Variants in SLC19A2 observed in about 807,000 individuals in gnomAD.
SLC19A2 encodes the protein thiamine transporter 1.
A neutral mutation model predicts 44.7 loss-of-function variants in SLC19A2; 27 were observed. The observed-to-expected ratio is 0.60, with a 90% confidence interval of 0.45 to 0.83. The LOEUF (loss-of-function observed/expected upper bound fraction) is 0.83. Among genes scored for constraint, SLC19A2 ranks in the 40% least tolerant of loss-of-function variants. The pLI is 0.00. For missense variants in SLC19A2, 566 were observed against 613.7 expected (o/e 0.92, Z 0.82); for synonymous variants, 239 against 243.6 (o/e 0.98, Z 0.18).
intron 1 of SLC19A2, among the ~76,000 whole-genome samples, chr1:169,479,759 A>G (rs1658403970): frequency 6.6e-6 from 1 of 152,198 alleles, no homozygotes; most frequent in Non-Finnish European, 1.5e-5. Flanking sequence ...AGTTTTGGTA[A>G]AAGGCTGAAT....
intron 2 of SLC19A2, among the ~76,000 whole-genome samples, chr1:169,476,586 C>T (rs1658319506): frequency 6.6e-6 from 1 of 151,944 alleles, no homozygotes; most frequent in Admixed American, 6.6e-5. Flanking sequence ...GGCGTGGTGG[C>T]GAGCGCCCAT....
At chr1:169,471,463 CCACACACACACACACACACA>C (rs59833853) in intron 2 of SLC19A2, among the ~76,000 whole-genome samples, 22 of 118,070 alleles carry the variant, frequency 1.9e-4, no homozygotes, top group South Asian at 6.1e-4. Context: ...GATCCCGTCT[CCACACACACACACACACACA>C]CACACACACA....
At chr1:169,485,268 A>C (rs942573558) in intron 1 of SLC19A2, among the ~76,000 whole-genome samples, 2 of 152,238 alleles carry the variant, frequency 1.3e-5, no homozygotes, top group Non-Finnish European at 2.9e-5. Flanking sequence ...CTGCTGGACC[A>C]GTCTGGGCAG....
In SLC19A2 at chr1:169,468,140, T is replaced by G; in HGVS notation, c.1336A>C (p.Ser446Arg). 1.2e-6 allele frequency: 2 copies of G among 1,614,056 alleles called. No homozygotes were observed. Among genetic ancestry groups the G allele is most frequent in the Non-Finnish European group, 1.7e-6 (2 of 1,179,914 alleles). ...GTGGTAATTTCTAATCCAAGGCCAC[T>G]GGCATCTACCACAATTAGAGTGAGC... ...TLLTLIVVDA[S>R]GLGLEITTQF... The change falls in exon 5 of 6, where the codon AGT becomes CGT. Residue 446 changes from serine (S) to arginine (R), a missense_variant. By Grantham distance (110) the Ser-to-Arg change is moderately radical (BLOSUM62 -1). Transcript: ENST00000236137.
In SLC19A2 at chr1:169,485,795, C is replaced by G. The variant is rs374694859; in HGVS notation, c.-29G>C. 2 of 1,510,750 alleles carry G rather than the reference C, an allele frequency of 1.3e-6. No individual in the cohort carries two copies. Among genetic ancestry groups the G allele is most frequent in the South Asian group, 2.5e-5 (2 of 80,534 alleles). The allele number at this position is 1,510,750 out of a possible 1,614,324, so 93.6% of individuals were successfully genotyped here. On this transcript the variant is annotated 5_prime_UTR_variant, in exon 1 of 6. Coordinates refer to ENST00000236137, the MANE Select transcript of SLC19A2 (RefSeq NM_006996.3). ...GGGCGCGAGGGGAGGGGACCCGGCC[C>G]GGCCCCTTCCTTCTCCTCCTCCGCC...
At chr1:169,481,696 G>A (rs878911372) in intron 1 of SLC19A2, among the ~76,000 whole-genome samples, 1 of 152,146 alleles carries the variant, frequency 6.6e-6, no homozygotes, top group African/African-American at 2.4e-5. Context: ...TGTGAGCAAC[G>A]GGAATTGATT....
At position 169,468,698 on chromosome 1, in the gene SLC19A2, T is replaced by C; in HGVS notation, c.1169A>G (p.Tyr390Cys). The change falls in exon 4 of 6, where the codon TAT becomes TGT. Residue 390 changes from tyrosine (Y) to cysteine (C), a missense_variant. Tyr to Cys is a radical substitution (Grantham distance 194, BLOSUM62 -2). Transcript: ENST00000236137. The part of the protein sequence containing the change: ...MDTVGNIWVC[Y>C]ASYVVFRIIY... ...GATTCTGAAGACAACATAGGATGCA[T>C]AGCACACCCAAATGTTACCCACAGT... The C allele has an allele frequency of 6.2e-7, 1 of 1,613,858 alleles. No homozygotes were observed.
intron 5 of SLC19A2, among the ~76,000 whole-genome samples, chr1:169,467,718 A>C (rs1658069827): frequency 6.6e-6 from 1 of 152,174 alleles, no homozygotes; most frequent in Non-Finnish European, 1.5e-5. Flanking sequence ...TAAATAAAGA[A>C]GGGAGGAGAC....
In SLC19A2 at chr1:169,485,727, C is replaced by T. The variant is rs1658546427; in HGVS notation, c.40G>A (p.Ala14Thr). The change falls in exon 1 of 6, where the codon GCG (alanine) becomes ACG (threonine). Residue 14 changes from alanine (A) to threonine (T), a missense_variant. Coordinates refer to ENST00000236137, the MANE Select transcript of SLC19A2 (RefSeq NM_006996.3). ...GTCCGCAGGAGCACAGTGGCCGCCG[C>T]CGCCGCCGCCCGCCGAGACACCGGG... ...PGPVSRRAAAAAATVLLRTAR... is the reference protein window; with the variant it reads ...PGPVSRRAAATAATVLLRTAR... The T allele has an allele frequency of 2.0e-6, 3 of 1,530,164 alleles. No individual in the cohort carries two copies. The highest frequency in any genetic ancestry group is 2.6e-6 in the Non-Finnish European group (3 of 1,142,976). 94.8% of individuals were successfully genotyped at this position (1,530,164 alleles called of 1,614,324 possible). A position where few individuals can be genotyped will look rare whatever the true frequency, so the allele number is the denominator to read the frequency against.
chr1:169,471,815 A>T (rs550383502), intron 2 of SLC19A2, among the ~76,000 whole-genome samples: 127 of 152,172 alleles, frequency 8.3e-4, no homozygotes, highest in South Asian at 2.9e-3. Context: ...TTTCTCCCTC[A>T]GAGGCTAGAA....
chr1:169,470,030 T>C lies in SLC19A2; in HGVS notation c.964A>G (p.Lys322Glu). 4 of 1,613,944 alleles carry C rather than the reference T, an allele frequency of 2.5e-6. No individual in the cohort carries two copies. Among genetic ancestry groups the C allele is most frequent in the Non-Finnish European group, 1.7e-6 (2 of 1,179,936 alleles). Residue 322 changes from lysine (K) to glutamate (E), a missense_variant, in exon 3 of 6, where the codon AAA (lysine) becomes GAA (glutamate). Transcript: ENST00000236137. ...VVNYTQGLWE[K>E]VMPSRYAAIY... ...GCAGCATAGCGAGAAGGCATCACTT[T>C]CTCCCACAGGCCCTGTGTGTAGTTC...
chr1:169,475,325 CTG>C (rs1658281277), intron 2 of SLC19A2, among the ~76,000 whole-genome samples: 2 of 152,144 alleles, frequency 1.3e-5, no homozygotes, highest in East Asian at 3.9e-4. Flanking sequence ...GAATAAAACA[CTG>C]TTGTAAAACT....
rs1207732262 is a variant in SLC19A2, at chr1:169,468,331, C to T, written c.1224-79G>A. 5 of 1,267,436 alleles carry T rather than the reference C, an allele frequency of 3.9e-6. No individual in the cohort carries two copies. In the African/African-American group the frequency reaches 7.6e-5, roughly 19 times the overall value. 78.5% of individuals were successfully genotyped at this position (1,267,436 alleles called of 1,614,324 possible). A position where few individuals can be genotyped will look rare whatever the true frequency, so the allele number is the denominator to read the frequency against. ...AATATTTATTCTAAATAAAAGTAAA[C>T]ATTTATCTTTAAACATGAAGAGTCC... is the stretch of plus-strand genomic sequence containing the variant. On this transcript the variant is annotated intron_variant, in intron 4 of 5. Coordinates refer to ENST00000236137, the MANE Select transcript of SLC19A2 (RefSeq NM_006996.3).
rs989951177 is a variant in SLC19A2 at position 169,464,534 on chromosome 1, A to C, written c.*1315T>G. The C allele has an allele frequency of 1.6e-4, 24 of 152,224 alleles. No individual in the cohort carries two copies. Among genetic ancestry groups the C allele is most frequent in the African/African-American group, 4.1e-4 (17 of 41,468 alleles). 9.4% of individuals were successfully genotyped at this position (152,224 alleles called of 1,614,324 possible). On this transcript the variant is annotated 3_prime_UTR_variant, in exon 6 of 6. Coordinates refer to ENST00000236137, the MANE Select transcript of SLC19A2 (RefSeq NM_006996.3). Reference sequence around the variant, plus strand: ...ACTGTTCAGCTGTGTCATTCTAAAAAAGTTAATACCCCAGTTAAAAGCACC... The same window carrying C: ...ACTGTTCAGCTGTGTCATTCTAAAACAGTTAATACCCCAGTTAAAAGCACC...
At chr1:169,471,478 C>CCATATATATCATTTTTATA (rs1658177733) in intron 2 of SLC19A2, among the ~76,000 whole-genome samples, 1 of 126,062 alleles carries the variant, frequency 7.9e-6, no homozygotes, top group Non-Finnish European at 1.6e-5. Context: ...CACACACACA[C>CCATATATATCATTTTTATA]ACACACACAC....
chr1:169,471,579 C>A (rs1017114690), intron 2 of SLC19A2, among the ~76,000 whole-genome samples: 4 of 149,142 alleles, frequency 2.7e-5, no homozygotes, highest in Non-Finnish European at 5.9e-5. Context: ...GTGGGAGGAT[C>A]ACTTGAACCT....
chr1:169,485,506 T>C, intron 1 of SLC19A2, 57 bp downstream of exon 1: 2 of 1,536,206 alleles, frequency 1.3e-6, no homozygotes, highest in East Asian at 2.4e-5. Context: ...CTTCCTCCGC[T>C]GCCCACCCGC....
At chr1:169,478,523 ATTTT>A (rs35141285) in intron 1 of SLC19A2, among the ~76,000 whole-genome samples, 7 of 66,608 alleles carry the variant, frequency 1.1e-4, no homozygotes, top group African/African-American at 4.6e-4. Flanking sequence ...CAACCAGCTA[ATTTT>A]TTTTTTTTTT....
intron 5 of SLC19A2, among the ~76,000 whole-genome samples, chr1:169,466,621 C>T (rs1008478717): frequency 6.6e-6 from 1 of 151,726 alleles, no homozygotes; most frequent in African/African-American, 2.4e-5. Flanking sequence ...ACCTATCAAC[C>T]CATCATCTAG....
Sources: allele counts gnomAD v4.1 joint callset (sites outside exome capture counted in the v4.1 genomes callset), GRCh38; gene constraint gnomAD v4.1.1; transcripts MANE v1.5; gene names NCBI Gene and HGNC (gene_info 2026-07-23, HGNC 2026-07-21).